Variants in SYNPR observed in about 807,000 individuals in gnomAD.
The protein encoded by SYNPR is synaptoporin.
In SYNPR, 23 loss-of-function variants were observed where a neutral mutation model predicts 32.9. That is an observed-to-expected ratio of 0.70 (90% CI 0.50 to 0.99). The LOEUF (loss-of-function observed/expected upper bound fraction) is 0.99. Among genes scored for constraint, SYNPR ranks in the 50% least tolerant of loss-of-function variants. The pLI is 0.00. For synonymous variants in SYNPR, 146 were observed against 135.9 expected (o/e 1.07, Z -0.52); for missense variants, 318 against 349.3 (o/e 0.91, Z 0.71).
chr3:63,544,292 C>G (rs540565903), intron 3 of SYNPR, among the ~76,000 whole-genome samples: 6 of 152,194 alleles, frequency 3.9e-5, no homozygotes, highest in Middle Eastern at 3.4e-3. Flanking sequence ...ATACGTTCAA[C>G]AAACTGTTCC....
At chr3:63,434,890 A>T (rs7639959) in intron 2 of SYNPR, among the ~76,000 whole-genome samples, 19,025 of 152,200 alleles carry the variant, frequency 0.12, 1,381 homozygotes, top group East Asian at 0.29. Context: ...ATAAGCAAAG[A>T]CTTATTTAGT....
At chr3:63,220,731 C>T in the SYNPR span, among the ~76,000 whole-genome samples, 1 of 152,146 alleles carries the variant, frequency 6.6e-6, no homozygotes, top group African/African-American at 2.4e-5. Flanking sequence ...TCAGAGACAC[C>T]AGCACCAGCT....
intron 3 of SYNPR, among the ~76,000 whole-genome samples, chr3:63,551,224 T>A (rs9858608): frequency 6.6e-6 from 1 of 152,202 alleles, no homozygotes; most frequent in Non-Finnish European, 1.5e-5. Flanking sequence ...TTTCAAGGCT[T>A]ATCCATATTG....
intron 2 of SYNPR, among the ~76,000 whole-genome samples, chr3:63,380,174 A>G (rs902838103): frequency 6.6e-6 from 1 of 152,232 alleles, no homozygotes; most frequent in African/African-American, 2.4e-5. Context: ...TTATAGCAGC[A>G]TGATTTATAA....
intron 2 of SYNPR, among the ~76,000 whole-genome samples, chr3:63,298,985 C>T (rs896047525): frequency 1.1e-4 from 16 of 152,122 alleles, no homozygotes; most frequent in African/African-American, 3.6e-4. Flanking sequence ...GAGAATAAAT[C>T]TTTGGGAAGG....
At chr3:63,487,777 T>A (rs1026467011) in intron 3 of SYNPR, among the ~76,000 whole-genome samples, 5 of 152,214 alleles carry the variant, frequency 3.3e-5, no homozygotes, top group African/African-American at 1.2e-4. Context: ...AATGGAGAAC[T>A]CTTAGTGGCA....
upstream of SYNPR, among the ~76,000 whole-genome samples, chr3:63,226,729 G>A (rs910534819): frequency 2.0e-5 from 3 of 152,146 alleles, no homozygotes; most frequent in African/African-American, 4.8e-5. Context: ...GGGAAAGGAA[G>A]AGAGATTGGT....
At chr3:63,470,756 T>G (rs1214350329) in intron 2 of SYNPR, among the ~76,000 whole-genome samples, 1 of 152,148 alleles carries the variant, frequency 6.6e-6, no homozygotes, top group African/African-American at 2.4e-5. Flanking sequence ...CACTTCCTAG[T>G]CTCCTATGCA....
chr3:63,335,436 C>A (rs1013692493), intron 2 of SYNPR, among the ~76,000 whole-genome samples: 2 of 151,574 alleles, frequency 1.3e-5, no homozygotes, highest in African/African-American at 4.9e-5. Flanking sequence ...TGCACTGGCA[C>A]GTGAAGAAAA....
intron 1 of SYNPR, chr3:63,228,505 C>T (rs1164748127): frequency 6.6e-6 from 1 of 152,144 alleles, no homozygotes; most frequent in Non-Finnish European, 1.5e-5. Flanking sequence ...AGCACAACTT[C>T]ACATTTGTGA....
At chr3:63,468,756 A>T (rs1230010552) in intron 2 of SYNPR, among the ~76,000 whole-genome samples, 1 of 152,126 alleles carries the variant, frequency 6.6e-6, no homozygotes, top group African/African-American at 2.4e-5. Flanking sequence ...AGCCAAGAAC[A>T]TGCTGCTGCA....
intron 2 of SYNPR, among the ~76,000 whole-genome samples, chr3:63,461,627 A>C (rs1700585618): frequency 6.6e-6 from 1 of 151,912 alleles, no homozygotes; most frequent in Admixed American, 6.6e-5. Flanking sequence ...TTCTCACCCT[A>C]TGCCAGGCTC....
chr3:63,511,098 G>T (rs1233403790), intron 3 of SYNPR, among the ~76,000 whole-genome samples: 1 of 151,806 alleles, frequency 6.6e-6, no homozygotes, highest in Non-Finnish European at 1.5e-5. Flanking sequence ...AGTTAATAAG[G>T]TTATTGAGTG....
chr3:63,527,627 C>A (rs970818593), intron 3 of SYNPR, among the ~76,000 whole-genome samples: 3 of 152,164 alleles, frequency 2.0e-5, no homozygotes, highest in African/African-American at 7.2e-5. Context: ...CAAAAAGGCG[C>A]TTTCCCTCTT....
chr3:63,509,288 GTA>G (rs1007085201), intron 3 of SYNPR, among the ~76,000 whole-genome samples: 2 of 147,632 alleles, frequency 1.4e-5, no homozygotes, highest in East Asian at 2.0e-4. Context: ...ATATGTGTGT[GTA>G]TATATATATA....
At chr3:63,236,521 C>T (rs2086202404) in intron 1 of SYNPR, among the ~76,000 whole-genome samples, 3 of 151,994 alleles carry the variant, frequency 2.0e-5, no homozygotes, top group Non-Finnish European at 4.4e-5. Flanking sequence ...GTATGCCTCT[C>T]CATTTAATTA....
In SYNPR at chr3:63,524,372, G is replaced by A. The variant is rs182467560; in HGVS notation, c.210-32171G>A. ...GATTAAGAAGATAGAATGTCTGCAGGGCATGTGCTACCCATATCCCCTGGT... is the reference window on the plus strand; with the variant it reads ...GATTAAGAAGATAGAATGTCTGCAGAGCATGTGCTACCCATATCCCCTGGT... On this transcript the variant is annotated intron_variant, in intron 3 of 5. Transcript: ENST00000478300. 1.4e-3 allele frequency among the ~76,000 whole-genome samples: 215 copies of A among 152,172 alleles called. 1 individual carries two copies. The highest frequency in any genetic ancestry group is 2.5e-3 in the Non-Finnish European group (167 of 68,004).
rs145245020 is a variant in SYNPR at position 63,357,649 on chromosome 3, C to T, written c.84+78907C>T. ...CAGGGGAGAGGGAGGTAGGAGTTTT[C>T]TAGGTTCTGAGACTCAGGAGATTTA... On this transcript the variant is annotated intron_variant, in intron 2 of 5. Transcript: ENST00000478300. 5.1e-3 allele frequency among the ~76,000 whole-genome samples: 774 copies of T among 152,228 alleles called. 3 individuals are homozygous for T. Among genetic ancestry groups the T allele is most frequent in the Admixed American group, 8.1e-3 (124 of 15,298 alleles).
At chr3:63,293,095 T>C (rs1560181982) in intron 2 of SYNPR, among the ~76,000 whole-genome samples, 1 of 152,220 alleles carries the variant, frequency 6.6e-6, no homozygotes, top group Non-Finnish European at 1.5e-5. Context: ...ACAATGGCTA[T>C]ACATTAATGA....
Sources: gnomAD v4.1 joint callset for allele counts (sites outside exome capture counted in the v4.1 genomes callset) on GRCh38, gnomAD v4.1.1 for gene constraint, MANE v1.5 for transcripts, NCBI Gene and HGNC (gene_info 2026-07-23, HGNC 2026-07-21) for gene names.